Variants in ELOVL4 observed in about 807,000 individuals in gnomAD.
The protein encoded by ELOVL4 is ELOVL fatty acid elongase 4.
Under a neutral mutation model 42.1 loss-of-function variants are expected in ELOVL4, and 18 were observed. The ratio of observed to expected loss-of-function variants is 0.43; its 90% CI spans 0.30 to 0.63. The LOEUF (loss-of-function observed/expected upper bound fraction) is 0.63. Ranked by LOEUF, ELOVL4 falls within the 30% of genes least tolerant of loss-of-function variation. ELOVL4 has a pLI of 0.15. For synonymous variants in ELOVL4, 117 were observed against 127.0 expected (o/e 0.92, Z 0.53); for missense variants, 299 against 376.2 (o/e 0.79, Z 1.70).
chr6:79,937,268 C>T (rs1391551182), intron 1 of ELOVL4, among the ~76,000 whole-genome samples: 3 of 151,958 alleles, frequency 2.0e-5, no homozygotes, highest in Admixed American at 2.0e-4. Context: ...AGTTAAAAAG[C>T]AGAGGGAAAA....
chr6:79,921,844 A>T (rs1433258242), intron 3 of ELOVL4, 48 bp from the exon 4 acceptor site: 1 of 1,558,716 alleles, frequency 6.4e-7, no homozygotes, highest in East Asian at 2.3e-5. Context: ...ACACTATTGT[A>T]TGGGTTTATA....
At chr6:79,935,909 G>A (rs1385887386) in intron 1 of ELOVL4, among the ~76,000 whole-genome samples, 1 of 152,056 alleles carries the variant, frequency 6.6e-6, no homozygotes, top group East Asian at 1.9e-4. Context: ...AGCATCACCT[G>A]GAACCTTACA....
At chr6:79,937,113 C>T (rs1774556891) in intron 1 of ELOVL4, among the ~76,000 whole-genome samples, 1 of 152,070 alleles carries the variant, frequency 6.6e-6, no homozygotes, top group Admixed American at 6.6e-5. Flanking sequence ...GAGACCTTCA[C>T]CAGTGAAAGA....
intron 4 of ELOVL4, among the ~76,000 whole-genome samples, chr6:79,920,330 A>G (rs1223780161): frequency 2.0e-5 from 3 of 152,174 alleles, no homozygotes; most frequent in South Asian, 2.1e-4. Context: ...AACAATGTGA[A>G]TCATCCTTAA....
intron 1 of ELOVL4, among the ~76,000 whole-genome samples, chr6:79,940,154 G>C (rs1267081117): frequency 6.6e-6 from 1 of 152,118 alleles, no homozygotes; most frequent in East Asian, 1.9e-4. Context: ...AGAAAAGCTT[G>C]TTTCTTGGAA....
chr6:79,923,148 C>T (rs992920818), intron 3 of ELOVL4, among the ~76,000 whole-genome samples: 13 of 152,144 alleles, frequency 8.5e-5, no homozygotes, highest in African/African-American at 3.1e-4. Context: ...AGTTTGCAAA[C>T]TGCACTAGAT....
Position 79,916,596 on chromosome 6 carries a change from G to T in ELOVL4, c.*12C>A. 1.9e-6 allele frequency: 3 copies of T among 1,613,108 alleles called. No individual in the cohort carries two copies. The highest frequency in any genetic ancestry group is 1.3e-5 in the African/African-American group (1 of 74,976). On this transcript the variant is annotated 3_prime_UTR_variant, in exon 6 of 6. Coordinates refer to ENST00000369816, the MANE Select transcript of ELOVL4 (RefSeq NM_022726.4). Reference sequence around the variant, plus strand: ...TTCCTCACTGTCAACAACAGTTAAGGCCCAGTTCAATTTAATCTCCTTTTG... The same window carrying T: ...TTCCTCACTGTCAACAACAGTTAAGTCCCAGTTCAATTTAATCTCCTTTTG...
intron 1 of ELOVL4, among the ~76,000 whole-genome samples, chr6:79,930,509 T>C (rs1774424800): frequency 6.6e-6 from 1 of 152,236 alleles, no homozygotes; most frequent in South Asian, 2.1e-4. Context: ...TGTATTTGCA[T>C]TAATATTTCC....
intron 1 of ELOVL4, among the ~76,000 whole-genome samples, chr6:79,934,467 A>G (rs1294057779): frequency 6.6e-6 from 1 of 152,164 alleles, no homozygotes; most frequent in African/African-American, 2.4e-5. Context: ...GAAGGTTCCT[A>G]GCACACATGG....
chr6:79,940,895 T>C (rs982317365), intron 1 of ELOVL4, among the ~76,000 whole-genome samples: 10 of 152,204 alleles, frequency 6.6e-5, no homozygotes, highest in African/African-American at 2.4e-4. Flanking sequence ...ACAGGTATAG[T>C]GTTACAGCAA....
chr6:79,916,514 C>A lies in ELOVL4; in HGVS notation c.*94G>T. ...AGAGCACATTTGTCTTTTCTCCCCACCCCCAAGCTCTCCTTTGCTTCTGTT... is the reference window on the plus strand; with the variant it reads ...AGAGCACATTTGTCTTTTCTCCCCAACCCCAAGCTCTCCTTTGCTTCTGTT... On this transcript the variant is annotated 3_prime_UTR_variant, in exon 6 of 6. Coordinates refer to ENST00000369816, the MANE Select transcript of ELOVL4 (RefSeq NM_022726.4). 6.7e-7 allele frequency: 1 copy of A among 1,492,244 alleles called. No homozygotes were observed. The highest frequency in any genetic ancestry group is 9.3e-7 in the Non-Finnish European group (1 of 1,075,964). The allele number at this position is 1,492,244 out of a possible 1,614,324, so 92.4% of individuals were successfully genotyped here.
At chr6:79,929,244 TC>T (rs1774402814) in intron 1 of ELOVL4, among the ~76,000 whole-genome samples, 1 of 152,002 alleles carries the variant, frequency 6.6e-6, no homozygotes, top group Admixed American at 6.5e-5. Context: ...TCTTTTCTTT[TC>T]TTTTTTCTTT....
chr6:79,926,353 C>A lies in ELOVL4; in HGVS notation c.129G>T (p.Met43Ile), dbSNP rs1261698941. The change falls in exon 2 of 6, where the codon ATG (methionine) becomes ATT (isoleucine). Residue 43 changes from methionine to isoleucine, a missense_variant. Transcript: ENST00000369816. Reference sequence around the variant, plus strand: ...TACTTAGTGTAGGCCAAGGAGACTGCATCAGAGGCCAATTTTCCACACGCT... The same window carrying A: ...TACTTAGTGTAGGCCAAGGAGACTGAATCAGAGGCCAATTTTCCACACGCT... Reference protein sequence around the residue: ...ADKRVENWPLMQSPWPTLSIS... With the variant: ...ADKRVENWPLIQSPWPTLSIS... The A allele has an allele frequency of 6.2e-7, 1 of 1,613,932 alleles. No individual in the cohort carries two copies. The highest frequency in any genetic ancestry group is 1.7e-5 in the Admixed American group (1 of 59,986).
At chr6:79,924,073 C>T (rs967318594) in intron 3 of ELOVL4, among the ~76,000 whole-genome samples, 3 of 151,982 alleles carry the variant, frequency 2.0e-5, no homozygotes, top group Non-Finnish European at 4.4e-5. Context: ...TCAATAAATA[C>T]GTAATAGAAT....
intron 1 of ELOVL4, among the ~76,000 whole-genome samples, chr6:79,933,367 A>C (rs1207549389): frequency 6.6e-6 from 1 of 152,114 alleles, no homozygotes; most frequent in African/African-American, 2.4e-5. Context: ...AGTAGCTTGG[A>C]CTACAGGTGC....
chr6:79,938,180 T>A (rs1398749933), intron 1 of ELOVL4, among the ~76,000 whole-genome samples: 1 of 152,244 alleles, frequency 6.6e-6, no homozygotes, highest in African/African-American at 2.4e-5. Flanking sequence ...AAGATCAGAA[T>A]ACAAGTAGTT....
intron 1 of ELOVL4, among the ~76,000 whole-genome samples, chr6:79,939,938 C>A (rs532498055): frequency 2.7e-4 from 41 of 152,252 alleles, no homozygotes; most frequent in Non-Finnish European, 4.9e-4. Context: ...AATTTCTTTC[C>A]TTTTTAAGAC....
chr6:79,916,911 C>T (rs775663398), intron 5 of ELOVL4, 28 bp from the exon 6 acceptor site: 2 of 1,613,530 alleles, frequency 1.2e-6, no homozygotes, highest in Non-Finnish European at 1.7e-6. Flanking sequence ...CAGCACAAAA[C>T]ATTTAATCTG....
Position 79,915,949 on chromosome 6 carries a change from G to A in ELOVL4, c.*659C>T, listed in dbSNP as rs1236170036. ...ACAGTGATTTGTGCCTCAAGTCATG[G>A]TGATCTCTGGGTCACCAGACAAGAC... On this transcript the variant is annotated 3_prime_UTR_variant, in exon 6 of 6. Coordinates refer to ENST00000369816, the MANE Select transcript of ELOVL4 (RefSeq NM_022726.4). The A allele has an allele frequency of 1.3e-5, 2 of 152,640 alleles. No homozygotes were observed. Among genetic ancestry groups the A allele is most frequent in the African/African-American group, 4.8e-5 (2 of 41,432 alleles). 9.5% of individuals were successfully genotyped at this position (152,640 alleles called of 1,614,324 possible). A position where few individuals can be genotyped will look rare whatever the true frequency, so the allele number is the denominator to read the frequency against.
Sources: gnomAD v4.1 joint callset for allele counts (sites outside exome capture counted in the v4.1 genomes callset) on GRCh38, gnomAD v4.1.1 for gene constraint, MANE v1.5 for transcripts, NCBI Gene and HGNC (gene_info 2026-07-23, HGNC 2026-07-21) for gene names.